The following CFAP161 variants were observed in gnomAD, a reference collection of about 807,000 sequenced individuals.
CFAP161 encodes cilia- and flagella-associated protein 161.
In CFAP161, 25 loss-of-function variants were observed where a neutral mutation model predicts 29.0. That is an observed-to-expected ratio of 0.86 (90% CI 0.63 to 1.20). CFAP161 has a LOEUF of 1.20. Among genes scored for constraint, CFAP161 ranks in the 50% most tolerant of loss-of-function variants. The probability of loss-of-function intolerance (pLI) is 0.00; values close to 1 mark genes in which losing one functional copy is unlikely to be tolerated. For synonymous variants in CFAP161, 116 were observed against 137.4 expected (o/e 0.84, Z 1.09); for missense variants, 367 against 371.9 (o/e 0.99, Z 0.11).
chr15:81,146,357 AT>A (rs949829367), intron 5 of CFAP161, among the ~76,000 whole-genome samples: 19 of 152,232 alleles, frequency 1.2e-4, no homozygotes, highest in Non-Finnish European at 1.9e-4. Flanking sequence ...AAGCAAAAAA[AT>A]AATATGAAAA....
chr15:81,142,571 T>C (rs920567639), intron 4 of CFAP161, among the ~76,000 whole-genome samples: 1 of 152,210 alleles, frequency 6.6e-6, no homozygotes, highest in Non-Finnish European at 1.5e-5. Flanking sequence ...GCAAATCTGC[T>C]GGACCTCCCT....
chr15:81,120,804 A>C (rs917555603), intron 1 of CFAP161, among the ~76,000 whole-genome samples: 1 of 152,248 alleles, frequency 6.6e-6, no homozygotes, highest in African/African-American at 2.4e-5. Flanking sequence ...ATTTTACCTC[A>C]AAAAATGAAG....
At chr15:81,134,198 G>C (rs2683255), upstream of CFAP161, 804,222 of 1,089,422 alleles carry the variant, frequency 0.74, 302,241 homozygotes, top group Non-Finnish European at 0.78. Context: ...CAGGGCGAGG[G>C]TGCGCGCTGT....
At position 81,105,229 on chromosome 15, in the gene CFAP161, CCT is replaced by C. The variant is rs746188126; in HGVS notation, c.-141-22358_-141-22357del. Reference sequence around the variant, plus strand: ...TCCTCCTTTCTCCCCCACCCTCCCCCCTCTTTCTTTCTCTCTCTCTCTCCTTC... The same window carrying C: ...TCCTCCTTTCTCCCCCACCCTCCCCCCTTTCTTTCTCTCTCTCTCTCCTTC... On this transcript the variant is annotated intron_variant, in intron 1 of 4. Transcript: ENST00000560091. Among the ~76,000 whole-genome samples the C allele has an allele frequency of 5.3e-3, 331 of 62,930 alleles. 3 individuals carry two copies. Among genetic ancestry groups the C allele is most frequent in the Non-Finnish European group, 0.011 (230 of 20,260 alleles). The allele number at this position is 62,930 out of a possible 152,430, so 41.3% of individuals were successfully genotyped here. A position where few individuals can be genotyped will look rare whatever the true frequency, so the allele number is the denominator to read the frequency against.
chr15:81,135,992 G>A (rs766297525), intron 2 of CFAP161, among the ~76,000 whole-genome samples: 3 of 152,114 alleles, frequency 2.0e-5, no homozygotes, highest in Admixed American at 6.5e-5. Flanking sequence ...TATTGAGACC[G>A]GTAACTTTAA....
intron 1 of CFAP161, among the ~76,000 whole-genome samples, chr15:81,110,977 ACT>A (rs1185059725): frequency 6.6e-6 from 1 of 152,166 alleles, no homozygotes; most frequent in Non-Finnish European, 1.5e-5. Flanking sequence ...TAGAGACATC[ACT>A]CTATGTTCTT....
At chr15:81,116,234 T>C (rs1894495850) in intron 1 of CFAP161, among the ~76,000 whole-genome samples, 1 of 152,172 alleles carries the variant, frequency 6.6e-6, no homozygotes, top group African/African-American at 2.4e-5. Flanking sequence ...AAGGTTACAT[T>C]AAGGGAGGTA....
At position 81,136,754 on chromosome 15, in the gene CFAP161, G is replaced by C. The variant is rs1894818285; in HGVS notation, c.392+6G>C. Reference sequence around the variant, plus strand: ...AACACTTTTATCATTTTGAGGTAAAGAGACTTTAATTTTCAGTTCATTTTC... The same window carrying C: ...AACACTTTTATCATTTTGAGGTAAACAGACTTTAATTTTCAGTTCATTTTC... On this transcript the variant is annotated splice_donor_region_variant and intron_variant, in intron 3 of 6. Transcript: ENST00000286732. The C allele has an allele frequency of 6.2e-7, 1 of 1,603,606 alleles. No homozygotes were observed. Among genetic ancestry groups the C allele is most frequent in the African/African-American group, 1.3e-5 (1 of 74,638 alleles).
At chr15:81,108,490 C>G (rs1894402144) in intron 1 of CFAP161, among the ~76,000 whole-genome samples, 1 of 152,146 alleles carries the variant, frequency 6.6e-6, no homozygotes, top group Non-Finnish European at 1.5e-5. Flanking sequence ...CCTGCTCTTC[C>G]TCCTGAGGGG....
rs1894842873 is a variant in CFAP161 at position 81,138,093 on chromosome 15, G to A, written c.435G>A (p.Gln145=). The change falls in exon 4 of 7, where the codon CAG becomes CAA. Residue 145 remains glutamine, a synonymous_variant. Transcript: ENST00000286732. ...DATGQVLRYG[Q]DFCLGITGGF... ...CTGGTCAAGTCCTTAGATATGGGCA[G>A]GACTTTTGCCTGGGGATAACAGGAG... is the stretch of plus-strand genomic sequence containing the variant. 1.2e-6 allele frequency: 2 copies of A among 1,613,262 alleles called. No homozygotes were observed. The highest frequency in any genetic ancestry group is 2.7e-5 in the African/African-American group (2 of 74,908).
At chr15:81,121,569 T>C (rs1894574040) in intron 1 of CFAP161, among the ~76,000 whole-genome samples, 1 of 152,050 alleles carries the variant, frequency 6.6e-6, no homozygotes, top group South Asian at 2.1e-4. Context: ...ATATATTAAT[T>C]AGAATGTTTA....
At chr15:81,114,619 T>G (rs1477809114) in intron 1 of CFAP161, among the ~76,000 whole-genome samples, 1 of 152,248 alleles carries the variant, frequency 6.6e-6, no homozygotes, top group Non-Finnish European at 1.5e-5. Flanking sequence ...CATGTCATAG[T>G]AAACTAAGTG....
At chr15:81,132,935 G>C (rs1197161313), upstream of CFAP161, among the ~76,000 whole-genome samples, 2 of 151,988 alleles carry the variant, frequency 1.3e-5, no homozygotes, top group South Asian at 4.1e-4. Context: ...TGATCTAACT[G>C]CTTTGTCCTA....
At chr15:81,137,224 T>C (rs1354071202) in intron 3 of CFAP161, among the ~76,000 whole-genome samples, 1 of 152,140 alleles carries the variant, frequency 6.6e-6, no homozygotes, top group Non-Finnish European at 1.5e-5. Context: ...ATTAAATCCT[T>C]AGAGAAGAAA....
rs771289172 is a variant in CFAP161, at chr15:81,147,950, C to G, written c.710+19C>G. 6.3e-7 allele frequency: 1 copy of G among 1,582,414 alleles called. No individual in the cohort carries two copies. The highest frequency in any genetic ancestry group is 8.6e-7 in the Non-Finnish European group (1 of 1,157,022). On this transcript the variant is annotated intron_variant, in intron 6 of 6. Coordinates refer to ENST00000286732, the MANE Select transcript of CFAP161 (RefSeq NM_173528.4). ...TCTTAAGGTATTGTATTTCAGGGTA[C>G]AACAAAATGCTGTGATTGGGGCTGG...
intron 5 of CFAP161, among the ~76,000 whole-genome samples, chr15:81,146,831 AATATAT>A (rs3086710): frequency 0.011 from 758 of 70,332 alleles, 6 homozygotes; most frequent in Non-Finnish European, 0.014. Flanking sequence ...GATAGCTACA[AATATAT>A]ATATATATAT....
chr15:81,124,270 C>T (rs1479160791), intron 1 of CFAP161, among the ~76,000 whole-genome samples: 1 of 152,100 alleles, frequency 6.6e-6, no homozygotes, highest in Non-Finnish European at 1.5e-5. Context: ...TTGAGATAAT[C>T]GTGTGGTTTT....
At chr15:81,109,244 A>G (rs1250113160) in intron 1 of CFAP161, among the ~76,000 whole-genome samples, 1 of 152,098 alleles carries the variant, frequency 6.6e-6, no homozygotes, top group African/African-American at 2.4e-5. Context: ...CTGGTCCACT[A>G]TTGCTTTGAC....
At chr15:81,144,799 A>AAAG (rs1894978567) in intron 5 of CFAP161, among the ~76,000 whole-genome samples, 1 of 150,498 alleles carries the variant, frequency 6.6e-6, no homozygotes, top group African/African-American at 2.5e-5. Context: ...AAAAAAAAAA[A>AAAG]GAAAGAAAAA....
Sources: gnomAD v4.1 joint callset for allele counts (sites outside exome capture counted in the v4.1 genomes callset) on GRCh38, gnomAD v4.1.1 for gene constraint, MANE v1.5 for transcripts, NCBI Gene and HGNC (gene_info 2026-07-23, HGNC 2026-07-21) for gene names.